The following HDX variants were observed in gnomAD, a reference collection of about 807,000 sequenced individuals.
The protein encoded by HDX is highly divergent homeobox.
A neutral mutation model predicts 45.2 loss-of-function variants in HDX; 19 were observed. The observed-to-expected ratio is 0.42, with a 90% CI of 0.29 to 0.62. The LOEUF is 0.62. HDX is among the 20% of genes least tolerant of loss of function. The pLI, the probability that HDX is intolerant of heterozygous loss-of-function variation, is 0.20. For missense variants in HDX, 532 were observed against 493.9 expected (o/e 1.08, Z -0.73); for synonymous variants, 188 against 172.8 (o/e 1.09, Z -0.69).
chrX:84,395,639 C>T (rs1371304178), intron 5 of HDX, among the ~76,000 whole-genome samples: 1 of 111,426 alleles, frequency 9.0e-6, no homozygotes, highest in African/African-American at 3.3e-5. Flanking sequence ...GGAAAGGTTT[C>T]ACCTATTATT....
At chrX:84,326,775 G>A (rs1219792323) in intron 9 of HDX, among the ~76,000 whole-genome samples, 1 of 110,428 alleles carries the variant, frequency 9.1e-6, no homozygotes, top group Admixed American at 9.7e-5. Context: ...AGTAGGGCAT[G>A]GTGGTGTGTG....
intron 7 of HDX, among the ~76,000 whole-genome samples, chrX:84,339,825 G>A (rs938698553): frequency 9.0e-5 from 10 of 111,348 alleles, no homozygotes; most frequent in Non-Finnish European, 1.7e-4. Flanking sequence ...AAAATTTAAT[G>A]ACATAGATGT....
At chrX:84,326,390 C>T in intron 9 of HDX, 90 bp from the exon 10 acceptor site, 1 of 644,101 alleles carries the variant, frequency 1.6e-6, no homozygotes, top group Non-Finnish European at 2.4e-6. Flanking sequence ...AAAAAACCAT[C>T]AAATTAGAAG....
rs756049848 is a variant in HDX, at chrX:84,320,289, C to T, written c.*1600G>A. 2.7e-5 allele frequency: 3 copies of T among 110,772 alleles called. No homozygotes were observed. The highest frequency in any genetic ancestry group is 6.5e-5 in the African/African-American group (2 of 30,666). The allele number at this position is 110,772 out of a possible 1,213,427, so 9.1% of individuals were successfully genotyped here. On this transcript the variant is annotated 3_prime_UTR_variant, in exon 11 of 11. Transcript: ENST00000373177. ...TATGGCTCAAGGAAGCATATCTGAA[C>T]ACTGAAATATTCCTACTAACAAAGG...
intron 1 of HDX, among the ~76,000 whole-genome samples, chrX:84,497,769 A>G (rs1479710285): frequency 9.1e-6 from 1 of 110,468 alleles, no homozygotes; most frequent in East Asian, 2.8e-4. Flanking sequence ...AAATTTTTTG[A>G]AAAACAATGA....
chrX:84,466,865 T>G (rs1302612842), intron 4 of HDX, among the ~76,000 whole-genome samples: 1 of 111,838 alleles, frequency 8.9e-6, no homozygotes, highest in Non-Finnish European at 1.9e-5. Flanking sequence ...ATAAAATGCC[T>G]ATCTGTCCAG....
At chrX:84,418,027 C>G (rs6616938) in intron 5 of HDX, among the ~76,000 whole-genome samples, 8,127 of 111,463 alleles carry the variant, frequency 0.073, 473 homozygotes, top group East Asian at 0.45. Flanking sequence ...TTATGGGTTT[C>G]TGAAGAAAAA....
At chrX:84,393,234 T>A (rs1371241175) in intron 5 of HDX, among the ~76,000 whole-genome samples, 2 of 111,309 alleles carry the variant, frequency 1.8e-5, no homozygotes, top group Non-Finnish European at 3.8e-5. Flanking sequence ...TAAAGGGATG[T>A]TGAAGTTTAT....
chrX:84,328,277 C>T (rs1463507581), intron 9 of HDX, among the ~76,000 whole-genome samples: 1 of 110,726 alleles, frequency 9.0e-6, no homozygotes, highest in Admixed American at 9.7e-5. Flanking sequence ...GAGGCTGAAG[C>T]AAGAGGACTG....
At chrX:84,326,119 G>A (rs926746158) in intron 10 of HDX, 59 bp downstream of exon 10, 2 of 1,105,899 alleles carry the variant, frequency 1.8e-6, no homozygotes, top group Non-Finnish European at 1.2e-6. Flanking sequence ...GAACCCAAGT[G>A]TGACATACCA....
At chrX:84,322,091 T>C in intron 10 of HDX, 77 bp from the exon 11 acceptor site, 1 of 596,709 alleles carries the variant, frequency 1.7e-6, no homozygotes. Context: ...GTTGTAGTCC[T>C]CCCATGGTGA....
At position 84,344,420 on chromosome X, in the gene HDX, A is replaced by G. The variant is rs1354215262; in HGVS notation, c.1490T>C (p.Met497Thr). 2 of 1,203,305 alleles carry G rather than the reference A, an allele frequency of 1.7e-6. No homozygotes were observed. The highest frequency in any genetic ancestry group is 1.8e-5 in the South Asian group (1 of 56,776). ...IGNRRRKYRL[M>T]GIEVPPPRGG... ...TCTTGGAGGTGGAACTTCAATCCCCATTAAACGATATTTCCTTCTTCGATT... is the reference window on the plus strand; with the variant it reads ...TCTTGGAGGTGGAACTTCAATCCCCGTTAAACGATATTTCCTTCTTCGATT... The change falls in exon 7 of 11, where the codon ATG becomes ACG. Residue 497 changes from methionine (M) to threonine (T), a missense_variant. This residue lies in a region of HDX where 151 missense variants were observed against 131.8 expected (regional missense o/e 1.15). Coordinates refer to ENST00000373177, the MANE Select transcript of HDX (RefSeq NM_001177479.2).
chrX:84,326,641 G>A (rs911420603), intron 9 of HDX, among the ~76,000 whole-genome samples: 3 of 111,297 alleles, frequency 2.7e-5, no homozygotes, highest in Admixed American at 9.6e-5. Flanking sequence ...GGTTGGGTGC[G>A]TGGCTCACAC....
intron 5 of HDX, among the ~76,000 whole-genome samples, chrX:84,438,146 T>G (rs974953506): frequency 9.0e-6 from 1 of 110,962 alleles, no homozygotes; most frequent in Admixed American, 9.6e-5. Context: ...TAATGTTAAG[T>G]GGGGGACCAA....
At chrX:84,383,532 C>A (rs999316194) in intron 5 of HDX, among the ~76,000 whole-genome samples, 1 of 111,570 alleles carries the variant, frequency 9.0e-6, no homozygotes, top group African/African-American at 3.2e-5. Context: ...TGTTAAAAGT[C>A]ATCAAGATCA....
intron 5 of HDX, among the ~76,000 whole-genome samples, chrX:84,394,586 A>G (rs989131572): frequency 9.0e-6 from 1 of 111,261 alleles, no homozygotes; most frequent in African/African-American, 3.3e-5. Flanking sequence ...TAATGCTGAG[A>G]GTGGTGTGTT....
chrX:84,445,590 G>A (rs2039855329), intron 4 of HDX, among the ~76,000 whole-genome samples: 1 of 110,638 alleles, frequency 9.0e-6, no homozygotes. Context: ...ATATATATGA[G>A]ACTAATGCAT....
intron 1 of HDX, among the ~76,000 whole-genome samples, chrX:84,492,755 A>T (rs1428947119): frequency 9.0e-6 from 1 of 111,526 alleles, no homozygotes; most frequent in African/African-American, 3.3e-5. Flanking sequence ...GATGGCAAAA[A>T]AAAGACTGAT....
At chrX:84,475,465 AT>A (rs1013757639) in intron 2 of HDX, 68 bp from the exon 3 acceptor site, 83 of 605,697 alleles carry the variant, frequency 1.4e-4, no homozygotes, top group Non-Finnish European at 1.8e-4. Context: ...TTGTACACCT[AT>A]TTTTTTAATA....
Sources: allele counts gnomAD v4.1 joint callset (sites outside exome capture counted in the v4.1 genomes callset), GRCh38; gene constraint gnomAD v4.1.1; regional missense constraint gnomAD v4.1.1; transcripts MANE v1.5; gene names NCBI Gene and HGNC (gene_info 2026-07-23, HGNC 2026-07-21).